Variants in PLCB1 observed in about 807,000 individuals in gnomAD.
PLCB1 encodes phospholipase C beta 1.
Under a neutral mutation model 161.8 loss-of-function variants are expected in PLCB1, and 46 were observed. The ratio of observed to expected loss-of-function variants is 0.28; its 90% CI spans 0.22 to 0.36. The LOEUF (loss-of-function observed/expected upper bound fraction) is 0.36. Among genes scored for constraint, PLCB1 ranks in the 10% least tolerant of loss-of-function variants. The pLI, the probability that PLCB1 is intolerant of heterozygous loss-of-function variation, is 1.00. For synonymous variants in PLCB1, 517 were observed against 503.7 expected (o/e 1.03, Z -0.35); for missense variants, 1,016 against 1,472.5 (o/e 0.69, Z 5.07).
In PLCB1 at chr20:8,132,810, C is replaced by G; in HGVS notation, c.99+60C>G. Reference sequence around the variant, plus strand: ...CTCGGGCACCGGGCAGGGCGGGCGTCGTGGGGGTGGGGCAAGGGGCGCGTT... The same window carrying G: ...CTCGGGCACCGGGCAGGGCGGGCGTGGTGGGGGTGGGGCAAGGGGCGCGTT... On this transcript the variant is annotated intron_variant, in intron 1 of 31. Transcript: ENST00000338037. This position sits in a 1 kb window ranked among gnomAD's most constrained non-coding sequence, Gnocchi z 5.2. 5.3e-6 allele frequency: 6 copies of G among 1,127,678 alleles called. No homozygotes were observed. The highest frequency in any genetic ancestry group is 7.9e-6 in the Non-Finnish European group (6 of 755,370). The allele number at this position is 1,127,678 out of a possible 1,614,324, so 69.9% of individuals were successfully genotyped here. A position where few individuals can be genotyped will look rare whatever the true frequency, so the allele number is the denominator to read the frequency against.
chr20:8,616,971 C>A (rs1212011465), intron 3 of PLCB1, among the ~76,000 whole-genome samples: 1 of 152,146 alleles, frequency 6.6e-6, no homozygotes, highest in Non-Finnish European at 1.5e-5. Context: ...TTTATGTATC[C>A]CAGAGAAGGC....
At chr20:8,517,258 A>G (rs1298252575) in intron 3 of PLCB1, among the ~76,000 whole-genome samples, 1 of 152,186 alleles carries the variant, frequency 6.6e-6, no homozygotes, top group Non-Finnish European at 1.5e-5. Context: ...GGAACAAAAC[A>G]GAATTTATTG....
chr20:8,372,430 A>C (rs1453608190), intron 3 of PLCB1, among the ~76,000 whole-genome samples: 1 of 152,236 alleles, frequency 6.6e-6, no homozygotes, highest in Non-Finnish European at 1.5e-5. Flanking sequence ...TGACACAGCA[A>C]ACACACGGCT....
intron 2 of PLCB1, among the ~76,000 whole-genome samples, chr20:8,292,518 T>A (rs1983432439): frequency 6.6e-6 from 1 of 152,152 alleles, no homozygotes; most frequent in Non-Finnish European, 1.5e-5. Context: ...GTGCATAATC[T>A]GTACCTAACC....
chr20:8,207,421 A>C (rs1005338017), intron 2 of PLCB1, among the ~76,000 whole-genome samples: 2 of 152,176 alleles, frequency 1.3e-5, no homozygotes, highest in Non-Finnish European at 2.9e-5. Flanking sequence ...GCATGGCATC[A>C]CTATGAAGAT....
At chr20:8,621,734 G>GT (rs1988190655) in intron 3 of PLCB1, among the ~76,000 whole-genome samples, 1 of 152,188 alleles carries the variant, frequency 6.6e-6, no homozygotes, top group South Asian at 2.1e-4. Flanking sequence ...GATATACTTT[G>GT]TAACACGGTG....
chr20:8,554,398 T>G (rs1985880145), intron 3 of PLCB1, among the ~76,000 whole-genome samples: 1 of 152,140 alleles, frequency 6.6e-6, no homozygotes, highest in Non-Finnish European at 1.5e-5. Flanking sequence ...TGCGGTATAA[T>G]CACATAATGG....
intron 2 of PLCB1, among the ~76,000 whole-genome samples, chr20:8,168,437 C>T (rs1311791879): frequency 6.6e-6 from 1 of 152,158 alleles, no homozygotes; most frequent in Non-Finnish European, 1.5e-5. Context: ...TATTAGAGCA[C>T]TTACGCTGCA....
chr20:8,802,928 G>GA (rs998789954), intron 31 of PLCB1, among the ~76,000 whole-genome samples: 12 of 151,978 alleles, frequency 7.9e-5, no homozygotes, highest in African/African-American at 2.7e-4. Context: ...GCAATTCTTA[G>GA]AAAAAAGAAG....
At chr20:8,135,525 G>A (rs1026006429) in intron 1 of PLCB1, among the ~76,000 whole-genome samples, 2 of 152,094 alleles carry the variant, frequency 1.3e-5, no homozygotes, top group African/African-American at 2.4e-5. Context: ...AGACAGCAGG[G>A]GGGTAATAGA....
At chr20:8,648,263 A>C (rs1367295277) in intron 6 of PLCB1, among the ~76,000 whole-genome samples, 2 of 152,208 alleles carry the variant, frequency 1.3e-5, no homozygotes, top group Non-Finnish European at 2.9e-5. Flanking sequence ...AGGAGTGGAA[A>C]TTGGCCGACC....
intron 31 of PLCB1, chr20:8,831,043 G>A (rs1224970990): frequency 6.6e-6 from 1 of 152,208 alleles, no homozygotes; most frequent in Non-Finnish European, 1.5e-5. Flanking sequence ...CATGTTAACT[G>A]GTGATCCTTC....
intron 2 of PLCB1, among the ~76,000 whole-genome samples, chr20:8,352,029 A>G (rs1182732411): frequency 6.6e-6 from 1 of 152,120 alleles, no homozygotes; most frequent in African/African-American, 2.4e-5. Context: ...TCCCACAAAA[A>G]CCTGCATGCA....
rs367637011 is a variant in PLCB1, at chr20:8,814,062, TTTC to T, written c.3423+23804_3423+23806del. On this transcript the variant is annotated intron_variant, in intron 31 of 31. Transcript: ENST00000338037. ...CAGCTGGGAGTTTTAGAAATGACTT[TTTC>T]TTTTTATTTAAATTTTGTGCCTAAT... Among the ~76,000 whole-genome samples, 232 of 152,340 alleles carry T rather than the reference TTTC, an allele frequency of 1.5e-3. 1 individual carries two copies. Among genetic ancestry groups the T allele is most frequent in the East Asian group, 0.014 (73 of 5,192 alleles).
intron 2 of PLCB1, among the ~76,000 whole-genome samples, chr20:8,285,469 T>C (rs186819993): frequency 6.6e-6 from 1 of 152,210 alleles, no homozygotes. Flanking sequence ...ATTTTTAATT[T>C]TTATTTTTTA....
At chr20:8,379,808 G>A (rs1987208007) in intron 3 of PLCB1, among the ~76,000 whole-genome samples, 1 of 151,682 alleles carries the variant, frequency 6.6e-6, no homozygotes, top group Admixed American at 6.6e-5. Context: ...TATTTGTTTT[G>A]TTTTGTTTTT....
intron 31 of PLCB1, among the ~76,000 whole-genome samples, chr20:8,858,837 A>G (rs191355749): frequency 6.6e-6 from 1 of 151,586 alleles, no homozygotes; most frequent in African/African-American, 2.4e-5. Flanking sequence ...GGTTCAGTAG[A>G]CAAAGAAGGC....
intron 3 of PLCB1, among the ~76,000 whole-genome samples, chr20:8,411,083 G>A (rs555262677): frequency 6.6e-6 from 1 of 152,312 alleles, no homozygotes; most frequent in South Asian, 2.1e-4. Context: ...TGTTATGGCA[G>A]CCTCAGGAAT....
chr20:8,252,554 C>T (rs977475970), intron 2 of PLCB1, among the ~76,000 whole-genome samples: 2 of 151,994 alleles, frequency 1.3e-5, no homozygotes. Flanking sequence ...AATTAGAATA[C>T]ATTTTGATGA....
Sources: gnomAD v4.1 joint callset for allele counts (sites outside exome capture counted in the v4.1 genomes callset) on GRCh38, gnomAD v4.1.1 for gene constraint, Gnocchi (gnomAD v3.1) non-coding constraint, MANE v1.5 for transcripts, NCBI Gene and HGNC (gene_info 2026-07-23, HGNC 2026-07-21) for gene names.